Variants in IDH1 observed in about 807,000 individuals in gnomAD.
IDH1 encodes the protein isocitrate dehydrogenase [NADP] cytoplasmic.
In IDH1, 33 loss-of-function variants were observed where a neutral mutation model predicts 46.1. The ratio of observed to expected loss-of-function variants is 0.72; its 90% CI spans 0.54 to 0.96. The LOEUF (loss-of-function observed/expected upper bound fraction) is 0.96, where lower values mean the gene tolerates loss of function less well. Ranked by LOEUF, IDH1 falls within the 40% of genes least tolerant of loss-of-function variation. The probability of loss-of-function intolerance (pLI) is 0.00; values close to 1 mark genes in which losing one functional copy is unlikely to be tolerated. For missense variants in IDH1, 421 were observed against 515.7 expected (o/e 0.82, Z 1.78); for synonymous variants, 144 against 172.8 (o/e 0.83, Z 1.31).
At position 208,248,386 on chromosome 2, in the gene IDH1, G is replaced by A. The variant is rs1688060927; in HGVS notation, c.397C>T (p.His133Tyr). The A allele has an allele frequency of 6.2e-7, 1 of 1,613,566 alleles. No homozygotes were observed. The highest frequency in any genetic ancestry group is 8.5e-7 in the Non-Finnish European group (1 of 1,179,858). The change falls in exon 4 of 10, where the codon CAT (histidine) becomes TAT (tyrosine). Residue 133 changes from histidine to tyrosine, a missense_variant. By Grantham distance (83) the His-to-Tyr change is moderately conservative. Transcript: ENST00000345146. ...TGACTTACTTGATCCCCATAAGCAT[G>A]ACGACCTATGATGATAGGTTTTACC... ...GWVKPIIIGR[H>Y]AYGDQYRATD...
intron 8 of IDH1, among the ~76,000 whole-genome samples, 160 bp from the exon 9 acceptor site, chr2:208,239,393 T>G (rs1247831769): frequency 1.3e-5 from 2 of 152,220 alleles, no homozygotes; most frequent in Non-Finnish European, 2.9e-5. Flanking sequence ...GTTAGAAATA[T>G]TTTACCAAAC....
At chr2:208,238,641 T>A (rs1057007170) in intron 9 of IDH1, among the ~76,000 whole-genome samples, 1 of 152,218 alleles carries the variant, frequency 6.6e-6, no homozygotes, top group African/African-American at 2.4e-5. Flanking sequence ...TAGAATAAAA[T>A]AGCCTCTGAA....
At chr2:208,250,861 TAAGTA>T (rs1455870959) in intron 3 of IDH1, among the ~76,000 whole-genome samples, 1 of 152,232 alleles carries the variant, frequency 6.6e-6, no homozygotes. Flanking sequence ...GTCCATTGAC[TAAGTA>T]AAGTGATAGA....
rs775893896 is a variant in IDH1 at position 208,239,149 on chromosome 2, A to T, written c.1076T>A (p.Leu359Ter). ...AATTGTCTCAATAGAGACTTCTTCC[A>T]AAGCATTTGCAAAGAAGGCAAGCTC... ...NKELAFFANA[L>*]EEVSIETIEA... Residue 359 changes from leucine (L) to a stop codon, truncating the protein, a stop_gained, in exon 9 of 10, where the codon TTG becomes TAG. Transcript: ENST00000345146. LOFTEE classifies it high-confidence loss of function. 1 of 1,614,044 alleles carries T rather than the reference A, an allele frequency of 6.2e-7. No individual in the cohort carries two copies. The highest frequency in any genetic ancestry group is 8.5e-7 in the Non-Finnish European group (1 of 1,179,928).
In IDH1 at chr2:208,255,036, G is replaced by A. The variant is rs1259837238; in HGVS notation, c.-188C>T. On this transcript the variant is annotated 5_prime_UTR_variant, in exon 1 of 10. Coordinates refer to ENST00000345146, the MANE Select transcript of IDH1 (RefSeq NM_005896.4). Reference sequence around the variant, plus strand: ...CTGGCAATCCCAAACCGGACTCCCAGTGCCTCCGCTTCTGAAGTAGACTCT... The same window carrying A: ...CTGGCAATCCCAAACCGGACTCCCAATGCCTCCGCTTCTGAAGTAGACTCT... 6.6e-6 allele frequency: 1 copy of A among 152,346 alleles called. No individual in the cohort carries two copies. The allele number at this position is 152,346 out of a possible 1,614,324, so 9.4% of individuals were successfully genotyped here.
chr2:208,239,495 A>T (rs1424653056), intron 8 of IDH1, among the ~76,000 whole-genome samples: 2 of 152,230 alleles, frequency 1.3e-5, no homozygotes, highest in Non-Finnish European at 2.9e-5. Context: ...AATCTCTTCT[A>T]TCTCTTGTCT....
chr2:208,250,104 T>C lies in IDH1; in HGVS notation c.122+1326A>G, dbSNP rs1688095427. On this transcript the variant is annotated intron_variant, in intron 3 of 9. Coordinates refer to ENST00000345146, the MANE Select transcript of IDH1 (RefSeq NM_005896.4). ...GAATTTTGGAAAAATTTAAAACTTG[T>C]TTGAGCCTCCAAAAATTATCTAGTC... Among the ~76,000 whole-genome samples the C allele has an allele frequency of 3.9e-5, 6 of 152,240 alleles. No homozygotes were observed. The South Asian group carries it at 1.2e-3, about 32-fold the overall frequency.
At position 208,245,333 on chromosome 2, in the gene IDH1, A is replaced by G; in HGVS notation, c.506T>C (p.Val169Ala). 1 of 1,578,892 alleles carries G rather than the reference A, an allele frequency of 6.3e-7. No individual in the cohort carries two copies. Among genetic ancestry groups the G allele is most frequent in the African/African-American group, 1.3e-5 (1 of 74,398 alleles). Residue 169 changes from valine to alanine, a missense_variant, in exon 5 of 10, where the codon GTA becomes GCA. Transcript: ENST00000345146. ...SDGTQKVTYL[V>A]HNFEEGGGVA... ...GTCATACATACCTTCAAAGTTATGT[A>G]CCAGGTATGTCACCTTTTGGGTTCC... is the stretch of plus-strand genomic sequence containing the variant.
chr2:208,250,263 T>G (rs1366423751), intron 3 of IDH1, among the ~76,000 whole-genome samples: 1 of 151,222 alleles, frequency 6.6e-6, no homozygotes, highest in African/African-American at 2.4e-5. Context: ...GTTCACCTAC[T>G]GTCATGTAAA....
chr2:208,241,943 G>A (rs375976483), intron 7 of IDH1, 51 bp downstream of exon 7: 15 of 1,595,742 alleles, frequency 9.4e-6, no homozygotes, highest in Middle Eastern at 2.3e-4. Flanking sequence ...CCAAATTAGA[G>A]AACTACCCTG....
At chr2:208,246,057 C>T (rs1688016109) in intron 4 of IDH1, among the ~76,000 whole-genome samples, 1 of 152,120 alleles carries the variant, frequency 6.6e-6, no homozygotes, top group African/African-American at 2.4e-5. Flanking sequence ...TTACTTAGGC[C>T]ATCGGGGCTC....
chr2:208,240,017 A>G lies in IDH1; in HGVS notation c.851-14T>C, dbSNP rs767036782. 9.3e-6 allele frequency: 15 copies of G among 1,614,052 alleles called. No homozygotes were observed. The highest frequency in any genetic ancestry group is 1.2e-5 in the Non-Finnish European group (14 of 1,180,014). On this transcript the variant is annotated splice_polypyrimidine_tract_variant and intron_variant, in intron 7 of 9. Coordinates refer to ENST00000345146, the MANE Select transcript of IDH1 (RefSeq NM_005896.4). ...GAGAGCCATACCCTGTAAGTAGTGGAGCATGAAGCGTTGGGTCCAACTGCA... is the reference window on the plus strand; with the variant it reads ...GAGAGCCATACCCTGTAAGTAGTGGGGCATGAAGCGTTGGGTCCAACTGCA...
chr2:208,251,356 C>G, intron 3 of IDH1, 74 bp downstream of exon 3: 1 of 1,547,498 alleles, frequency 6.5e-7, no homozygotes, highest in South Asian at 1.1e-5. Flanking sequence ...GTAGCTGGGA[C>G]TTCACGTGTG....
chr2:208,254,395 C>G (rs1688177471), intron 1 of IDH1: 1 of 152,230 alleles, frequency 6.6e-6, no homozygotes, highest in Admixed American at 6.5e-5. Context: ...CCAGCCCCCT[C>G]TCGCCCCGTG....
chr2:208,244,349 A>G (rs1687978356), intron 5 of IDH1, among the ~76,000 whole-genome samples: 1 of 152,328 alleles, frequency 6.6e-6, no homozygotes, highest in East Asian at 1.9e-4. Flanking sequence ...CTTTATAGCA[A>G]CGCAAGAATG....
chr2:208,238,100 A>C lies in IDH1; in HGVS notation c.1155-931T>G, dbSNP rs184072273. Reference sequence around the variant, plus strand: ...ACGCAGGCTGGAGTGCAGTGGCACCATCTCGGCTCACTGCAAGCTCCGCCT... The same window carrying C: ...ACGCAGGCTGGAGTGCAGTGGCACCCTCTCGGCTCACTGCAAGCTCCGCCT... On this transcript the variant is annotated intron_variant, in intron 9 of 9. Coordinates refer to ENST00000345146, the MANE Select transcript of IDH1 (RefSeq NM_005896.4). 9.8e-3 allele frequency among the ~76,000 whole-genome samples: 1,452 copies of C among 148,508 alleles called. 30 individuals carry two copies. The highest frequency in any genetic ancestry group is 0.035 in the African/African-American group (1,397 of 40,198).
At position 208,243,618 on chromosome 2, in the gene IDH1, G is replaced by A. The variant is rs1371462209; in HGVS notation, c.521-14C>T. ...CACCACCACCTTCTGTAGAGGAGAA[G>A]CCAGTGAGAGGAAAAAAGGGAGAAG... On this transcript the variant is annotated splice_polypyrimidine_tract_variant and intron_variant, in intron 5 of 9. Coordinates refer to ENST00000345146, the MANE Select transcript of IDH1 (RefSeq NM_005896.4). The A allele has an allele frequency of 1.2e-6, 2 of 1,605,738 alleles. No individual in the cohort carries two copies. The highest frequency in any genetic ancestry group is 1.7e-6 in the Non-Finnish European group (2 of 1,172,420).
At chr2:208,238,105 G>A (rs879478428) in intron 9 of IDH1, among the ~76,000 whole-genome samples, 1 of 147,534 alleles carries the variant, frequency 6.8e-6, no homozygotes, top group Non-Finnish European at 1.5e-5. Context: ...GCACCATCTC[G>A]GCTCACTGCA....
At chr2:208,245,865 GTGA>G (rs1688012706) in intron 4 of IDH1, among the ~76,000 whole-genome samples, 1 of 150,894 alleles carries the variant, frequency 6.6e-6, no homozygotes, top group East Asian at 2.0e-4. Flanking sequence ...TCCCTAGAGG[GTGA>G]TGATAACAAT....
Sources: gnomAD v4.1 joint callset for allele counts (sites outside exome capture counted in the v4.1 genomes callset) on GRCh38, gnomAD v4.1.1 for gene constraint, MANE v1.5 for transcripts, NCBI Gene and HGNC (gene_info 2026-07-23, HGNC 2026-07-21) for gene names.